The following EXOC6B variants were observed in gnomAD, a reference collection of about 807,000 sequenced individuals.
EXOC6B encodes the protein exocyst complex component 6B.
EXOC6B carries 54 observed loss-of-function variants against 113.5 expected under a neutral mutation model. The ratio of observed to expected loss-of-function variants is 0.48; its 90% CI spans 0.38 to 0.60. The LOEUF (loss-of-function observed/expected upper bound fraction) is 0.60. EXOC6B is among the 20% of genes least tolerant of loss of function. The pLI is 0.00. For synonymous variants in EXOC6B, 357 were observed against 339.0 expected, an observed-to-expected ratio of 1.05 and a Z score of -0.58; for missense variants, 797 against 977.5, an observed-to-expected ratio of 0.82 and a Z score of 2.46.
At chr2:72,733,666 A>C (rs1397268035) in intron 2 of EXOC6B, among the ~76,000 whole-genome samples, 1 of 152,192 alleles carries the variant, frequency 6.6e-6, no homozygotes, top group Non-Finnish European at 1.5e-5. Context: ...GATAGTCAAA[A>C]ATTTGTGAAT....
chr2:72,593,643 T>A (rs1342705381), intron 6 of EXOC6B, among the ~76,000 whole-genome samples: 2 of 137,128 alleles, frequency 1.5e-5, no homozygotes, highest in Non-Finnish European at 1.6e-5. Flanking sequence ...ATAGGGATCT[T>A]AAAAAAAAAA....
chr2:72,634,787 A>T lies in EXOC6B; in HGVS notation c.670-59119T>A, dbSNP rs546741677. ...GAAGTTTCAAACTTGTGCTGTCCTT[A>T]TAACAACAGAAAAATACCCATTCTT... On this transcript the variant is annotated intron_variant, in intron 6 of 21. Transcript: ENST00000272427. Among the ~76,000 whole-genome samples, 4 of 152,352 alleles carry T rather than the reference A, an allele frequency of 2.6e-5. No homozygotes were observed. In the South Asian group the frequency reaches 8.3e-4, roughly 32 times the overall value.
intron 11 of EXOC6B, 133 bp downstream of exon 11, chr2:72,512,999 T>A (rs1202998656): frequency 8.7e-6 from 9 of 1,038,902 alleles, no homozygotes; most frequent in African/African-American, 1.6e-5. Flanking sequence ...GCTACTTCTA[T>A]GTCTTTGAAG....
Position 72,401,624 on chromosome 2 carries a change from T to C in EXOC6B, c.1981-21754A>G, listed in dbSNP as rs1425851386. Reference sequence around the variant, plus strand: ...ATATGTGTATATATATATATATACATATATATATATATACATATATACATA... The same window carrying C: ...ATATGTGTATATATATATATATACACATATATATATATACATATATACATA... On this transcript the variant is annotated intron_variant, in intron 18 of 21. Transcript: ENST00000272427. Among the ~76,000 whole-genome samples, 214 of 36,824 alleles carry C rather than the reference T, an allele frequency of 5.8e-3. 19 individuals carry two copies. Among genetic ancestry groups the C allele is most frequent in the African/African-American group, 0.037 (113 of 3,064 alleles). 24.2% of individuals were successfully genotyped at this position (36,824 alleles called of 152,430 possible).
chr2:72,792,677 C>T (rs970719553), intron 1 of EXOC6B, among the ~76,000 whole-genome samples: 1 of 152,030 alleles, frequency 6.6e-6, no homozygotes, highest in African/African-American at 2.4e-5. Context: ...TTATATTATT[C>T]CAGTTCACAG....
chr2:72,437,988 T>C (rs1695977085), intron 18 of EXOC6B, among the ~76,000 whole-genome samples: 1 of 152,188 alleles, frequency 6.6e-6, no homozygotes, highest in South Asian at 2.1e-4. Context: ...CACTATATTC[T>C]TCCCCAGAGA....
chr2:72,474,970 T>C (rs1171111281), intron 17 of EXOC6B, among the ~76,000 whole-genome samples: 1 of 152,216 alleles, frequency 6.6e-6, no homozygotes, highest in African/African-American at 2.4e-5. Flanking sequence ...TTGGTTGTTA[T>C]TTTGAGTGCA....
At chr2:72,583,018 C>T (rs1269915440) in intron 6 of EXOC6B, among the ~76,000 whole-genome samples, 1 of 152,140 alleles carries the variant, frequency 6.6e-6, no homozygotes, top group Non-Finnish European at 1.5e-5. Context: ...TTAATTAGAG[C>T]TTCTGGAATT....
chr2:72,459,318 C>G (rs917221328), intron 18 of EXOC6B, among the ~76,000 whole-genome samples: 4 of 152,026 alleles, frequency 2.6e-5, no homozygotes, highest in African/African-American at 9.7e-5. Flanking sequence ...CCTCTCTCAC[C>G]ACTCCTGTTC....
At chr2:72,239,354 G>T (rs1206687426) in intron 20 of EXOC6B, among the ~76,000 whole-genome samples, 1 of 152,130 alleles carries the variant, frequency 6.6e-6, no homozygotes, top group Non-Finnish European at 1.5e-5. Flanking sequence ...GTTAATTTTT[G>T]TGTGGTATAA....
At position 72,776,173 on chromosome 2, in the gene EXOC6B, C is replaced by CA. The variant is rs1476608797; in HGVS notation, c.114-34705dup. Among the ~76,000 whole-genome samples the CA allele has an allele frequency of 2.0e-5, 3 of 152,042 alleles. No homozygotes were observed. The East Asian group carries it at 5.8e-4, about 29-fold the overall frequency. On this transcript the variant is annotated intron_variant, in intron 1 of 21. Transcript: ENST00000272427. ...GTATGTGAAACTGCAATTATCTCAA[C>CA]AAAAATTTCAATTAAGAAACCAATA...
intron 6 of EXOC6B, among the ~76,000 whole-genome samples, chr2:72,694,937 T>C (rs539212434): frequency 1.3e-5 from 2 of 152,328 alleles, no homozygotes; most frequent in Non-Finnish European, 2.9e-5. Context: ...CTTTGAAATA[T>C]GCACCAGATT....
chr2:72,307,818 A>G (rs1686974027), intron 20 of EXOC6B, among the ~76,000 whole-genome samples: 1 of 152,162 alleles, frequency 6.6e-6, no homozygotes. Flanking sequence ...GCCAGTTCTT[A>G]TACATCTCTT....
At chr2:72,298,362 T>G (rs2104742747) in intron 20 of EXOC6B, among the ~76,000 whole-genome samples, 1 of 152,274 alleles carries the variant, frequency 6.6e-6, no homozygotes. Flanking sequence ...ATCCCTTTAT[T>G]TTGAGCTTAG....
intron 18 of EXOC6B, chr2:72,463,400 A>C (rs1697828605): frequency 6.6e-6 from 1 of 152,178 alleles, no homozygotes; most frequent in South Asian, 2.1e-4. Flanking sequence ...GAAGCAATGA[A>C]GACTAAAGGG....
chr2:72,557,597 CAAG>C (rs1291328884), intron 8 of EXOC6B, among the ~76,000 whole-genome samples: 1 of 151,786 alleles, frequency 6.6e-6, no homozygotes, highest in Non-Finnish European at 1.5e-5. Flanking sequence ...GGCTAAATGA[CAAG>C]AACTTATGAA....
At chr2:72,417,033 A>T (rs1483183987) in intron 18 of EXOC6B, among the ~76,000 whole-genome samples, 1 of 152,178 alleles carries the variant, frequency 6.6e-6, no homozygotes, top group East Asian at 1.9e-4. Flanking sequence ...AATCAATGTC[A>T]TATCTATTAG....
At chr2:72,407,514 C>A (rs190655095) in intron 18 of EXOC6B, among the ~76,000 whole-genome samples, 1 of 152,172 alleles carries the variant, frequency 6.6e-6, no homozygotes, top group East Asian at 1.9e-4. Context: ...AACTTATACA[C>A]CACGATCAAG....
intron 19 of EXOC6B, among the ~76,000 whole-genome samples, chr2:72,356,907 G>C (rs1025829441): frequency 1.3e-5 from 2 of 152,156 alleles, no homozygotes; most frequent in Non-Finnish European, 2.9e-5. Context: ...CATACTAAGA[G>C]AGCAGAACTG....
Sources: allele counts gnomAD v4.1 joint callset (sites outside exome capture counted in the v4.1 genomes callset), GRCh38; gene constraint gnomAD v4.1.1; transcripts MANE v1.5; gene names NCBI Gene and HGNC (gene_info 2026-07-23, HGNC 2026-07-21).